CACNA2D4: variants seen among roughly 807,000 people sequenced by gnomAD.
CACNA2D4 encodes voltage-dependent calcium channel subunit alpha-2/delta-4.
CACNA2D4 carries 157 observed loss-of-function variants against 163.8 expected under a neutral mutation model. The observed-to-expected ratio is 0.96, with a 90% confidence interval of 0.84 to 1.09. The LOEUF (loss-of-function observed/expected upper bound fraction) is 1.09. Among genes scored for constraint, CACNA2D4 ranks in the 50% least tolerant of loss-of-function variants. The probability of loss-of-function intolerance (pLI) is 0.00; values close to 1 mark genes in which losing one functional copy is unlikely to be tolerated. For missense variants in CACNA2D4, 1,410 were observed against 1,479.9 expected (o/e 0.95, Z 0.78); for synonymous variants, 598 against 586.9 (o/e 1.02, Z -0.27).
chr12:1,826,805 T>TG (rs1864350381), intron 26 of CACNA2D4, among the ~76,000 whole-genome samples: 1 of 152,118 alleles, frequency 6.6e-6, no homozygotes, highest in Non-Finnish European at 1.5e-5. Context: ...GGGGAGAAGA[T>TG]GGGGGCAACA....
chr12:1,803,612 A>T (rs1863412745), intron 29 of CACNA2D4, among the ~76,000 whole-genome samples: 1 of 152,202 alleles, frequency 6.6e-6, no homozygotes, highest in African/African-American at 2.4e-5. Context: ...CTAAAAATGG[A>T]GGGTCAATTA....
intron 26 of CACNA2D4, among the ~76,000 whole-genome samples, chr12:1,819,262 TCTTTTG>T (rs1363969891): frequency 6.6e-6 from 1 of 152,104 alleles, no homozygotes; most frequent in Non-Finnish European, 1.5e-5. Context: ...GGTGGGAGCC[TCTTTTG>T]CTTGACAGTG....
At chr12:1,795,066 A>G (rs1424188216) in intron 37 of CACNA2D4, 9 of 586,344 alleles carry the variant, frequency 1.5e-5, no homozygotes, top group East Asian at 8.3e-5. Flanking sequence ...TAATCAGGAA[A>G]TAACAAGCGT....
Position 1,894,753 on chromosome 12 carries a change from A to G in CACNA2D4, c.782-7684T>C, listed in dbSNP as rs546185324. 2.0e-5 allele frequency among the ~76,000 whole-genome samples: 3 copies of G among 152,348 alleles called. No individual in the cohort carries two copies. The South Asian group carries it at 6.2e-4, about 32-fold the overall frequency. ...AAAATACCTCAACATAATAAAGGTC[A>G]TATATAACAAACCCACAGGTAACAT... On this transcript the variant is annotated intron_variant, in intron 6 of 37. Transcript: ENST00000382722.
intron 23 of CACNA2D4, among the ~76,000 whole-genome samples, chr12:1,850,488 T>C (rs1457552781): frequency 1.3e-5 from 2 of 152,238 alleles, no homozygotes; most frequent in African/African-American, 2.4e-5. Context: ...ATACATAATA[T>C]ATAGAGTAAC....
intron 8 of CACNA2D4, 76 bp downstream of exon 8, chr12:1,886,147 T>A (rs1339822606): frequency 6.4e-7 from 1 of 1,573,558 alleles, no homozygotes; most frequent in East Asian, 2.2e-5. Context: ...TGGTCAGGGG[T>A]TGTGGGTCAC....
At chr12:1,826,719 G>A (rs1046124987) in intron 26 of CACNA2D4, among the ~76,000 whole-genome samples, 7 of 152,280 alleles carry the variant, frequency 4.6e-5, no homozygotes, top group South Asian at 2.1e-4. Flanking sequence ...GGGCAGAGCC[G>A]ACTGTCCTGT....
chr12:1,876,296 A>G (rs542598244), intron 16 of CACNA2D4, among the ~76,000 whole-genome samples: 36 of 152,340 alleles, frequency 2.4e-4, no homozygotes, highest in Non-Finnish European at 4.6e-4. Context: ...ACAAGGACAG[A>G]TCAGTGCTTA....
At position 1,820,166 on chromosome 12, in the gene CACNA2D4, G is replaced by T. The variant is rs980411968; in HGVS notation, c.2552-8443C>A. On this transcript the variant is annotated intron_variant, in intron 26 of 37. Transcript: ENST00000382722. The surrounding 1 kb of genome is among the most constrained non-coding windows in gnomAD (Gnocchi z 6.0). ...GCCTCCATCGGAACAGAAGTCAGCC[G>T]CTTGCTCTGTGTCTGCGCCTGTCCC... The T allele has an allele frequency of 1.3e-5, 2 of 152,218 alleles. No homozygotes were observed. The highest frequency in any genetic ancestry group is 1.9e-4 in the East Asian group (1 of 5,188). The allele number at this position is 152,218 out of a possible 1,614,324, so 9.4% of individuals were successfully genotyped here.
intron 26 of CACNA2D4, among the ~76,000 whole-genome samples, chr12:1,812,311 A>C (rs568502943): frequency 4.3e-4 from 65 of 152,274 alleles, no homozygotes; most frequent in South Asian, 1.0e-3. Flanking sequence ...GTTCCAGGAA[A>C]CTACAGGCAC....
rs960037005 is a variant in CACNA2D4, at chr12:1,875,826, A to G, written c.1720-489T>C. ...GCAGGTGCCTCAGCTCCCTCTGAAT[A>G]TGTTGTACTTTGTCTTCAATGTCAC... On this transcript the variant is annotated intron_variant, in intron 16 of 37. Transcript: ENST00000382722. The surrounding 1 kb of genome is among the most constrained non-coding windows in gnomAD (Gnocchi z 4.0). 6.6e-6 allele frequency among the ~76,000 whole-genome samples: 1 copy of G among 152,186 alleles called. No homozygotes were observed. The highest frequency in any genetic ancestry group is 1.5e-5 in the Non-Finnish European group (1 of 68,036).
At chr12:1,887,216 C>G in intron 6 of CACNA2D4, 147 bp from the exon 7 acceptor site, 1 of 610,654 alleles carries the variant, frequency 1.6e-6, no homozygotes, top group Non-Finnish European at 3.0e-6. Flanking sequence ...TGGGACATGC[C>G]CTGTAGACTG....
chr12:1,847,479 C>T (rs10161058), intron 23 of CACNA2D4, among the ~76,000 whole-genome samples: 83,434 of 151,998 alleles, frequency 0.55, 24,151 homozygotes, highest in Non-Finnish European at 0.64. Context: ...GGGTGGTACC[C>T]GGGACTGTAG....
chr12:1,836,037 G>C (rs1439333829), intron 26 of CACNA2D4: 1 of 152,214 alleles, frequency 6.6e-6, no homozygotes, highest in Non-Finnish European at 1.5e-5. Flanking sequence ...GAGCCCAGGA[G>C]CAGGAGCGGG....
chr12:1,800,833 G>A (rs1863293514), intron 31 of CACNA2D4: 1 of 602,162 alleles, frequency 1.7e-6, no homozygotes, highest in Non-Finnish European at 3.0e-6. Flanking sequence ...TACCAGAGCA[G>A]TCCCTCTGAA....
chr12:1,817,600 C>T (rs1356887360), intron 26 of CACNA2D4, among the ~76,000 whole-genome samples: 1 of 152,224 alleles, frequency 6.6e-6, no homozygotes, highest in Non-Finnish European at 1.5e-5. Flanking sequence ...TCTCCTGCCT[C>T]AGCCTGCCAA....
At chr12:1,857,619 A>G (rs556873421) in intron 20 of CACNA2D4, among the ~76,000 whole-genome samples, 52 of 152,070 alleles carry the variant, frequency 3.4e-4, no homozygotes, top group Non-Finnish European at 6.2e-4. Flanking sequence ...GATATCTGTG[A>G]CCCCTGAGAT....
At chr12:1,908,276 C>T (rs1027137443) in intron 4 of CACNA2D4, among the ~76,000 whole-genome samples, 19 of 152,242 alleles carry the variant, frequency 1.2e-4, no homozygotes, top group African/African-American at 4.1e-4. Flanking sequence ...GTCCTGACCG[C>T]TGCCTCAGTC....
At chr12:1,840,990 T>C (rs1179314880) in intron 25 of CACNA2D4, among the ~76,000 whole-genome samples, 171 bp from the exon 26 acceptor site, 1 of 152,254 alleles carries the variant, frequency 6.6e-6, no homozygotes, top group Non-Finnish European at 1.5e-5. Context: ...GCTGCTGTGA[T>C]GGTGACCCCA....
Sources: gnomAD v4.1 joint callset for allele counts (sites outside exome capture counted in the v4.1 genomes callset) on GRCh38, gnomAD v4.1.1 for gene constraint, Gnocchi (gnomAD v3.1) non-coding constraint, MANE v1.5 for transcripts, NCBI Gene and HGNC (gene_info 2026-07-23, HGNC 2026-07-21) for gene names.